The following AARS1 variants were observed in gnomAD, a reference collection of about 807,000 sequenced individuals.
The protein encoded by AARS1 is alanine--tRNA ligase, cytoplasmic.
A neutral mutation model predicts 108.9 loss-of-function variants in AARS1; 72 were observed. The observed-to-expected ratio is 0.66, with a 90% CI of 0.55 to 0.80. AARS1 has a LOEUF of 0.80. Among genes scored for constraint, AARS1 ranks in the 30% least tolerant of loss-of-function variants. The pLI, the probability that AARS1 is intolerant of heterozygous loss-of-function variation, is 0.00. For missense variants in AARS1, 1,193 were observed against 1,233.2 expected, an observed-to-expected ratio of 0.97 and a Z score of 0.49; for synonymous variants, 489 against 465.7, an observed-to-expected ratio of 1.05 and a Z score of -0.64.
At chr16:70,283,551 G>T (rs539974148) in intron 1 of AARS1, among the ~76,000 whole-genome samples, 5 of 152,044 alleles carry the variant, frequency 3.3e-5, no homozygotes, top group Non-Finnish European at 7.4e-5. Flanking sequence ...AAAAAGGAGG[G>T]GTCCATATGA....
intron 1 of AARS1, among the ~76,000 whole-genome samples, chr16:70,286,224 T>A (rs917643908): frequency 6.6e-6 from 1 of 152,158 alleles, no homozygotes; most frequent in African/African-American, 2.4e-5. Context: ...CAACATAAAC[T>A]CATTGATTTA....
rs1171347102 is a variant in AARS1 at position 70,269,818 on chromosome 16, C to T, written c.817-55G>A. The T allele has an allele frequency of 5.0e-6, 8 of 1,609,988 alleles. No homozygotes were observed. In the African/African-American group the frequency reaches 1.1e-4, roughly 22 times the overall value. On this transcript the variant is annotated intron_variant, in intron 6 of 20. Transcript: ENST00000261772. ...TAGGAAGCAGACTTTCTGGCGCTAC[C>T]TTGCCCAAGGAGGTTCCTGGAGGAT... is the stretch of plus-strand genomic sequence containing the variant.
chr16:70,265,694 AACAG>A (rs769472070), intron 9 of AARS1, 32 bp from the exon 10 acceptor site: 26 of 1,611,736 alleles, frequency 1.6e-5, no homozygotes, highest in East Asian at 2.2e-5. Flanking sequence ...TGTCAAAAAA[AACAG>A]ACAGCCCCTT....
At chr16:70,284,231 A>T (rs1477749953) in intron 1 of AARS1, among the ~76,000 whole-genome samples, 3 of 151,416 alleles carry the variant, frequency 2.0e-5, no homozygotes, top group African/African-American at 7.3e-5. Context: ...GCACGAACCC[A>T]GGAGGTGGAG....
chr16:70,274,030 C>G (rs985119504), intron 4 of AARS1, among the ~76,000 whole-genome samples: 3 of 150,510 alleles, frequency 2.0e-5, no homozygotes, highest in Non-Finnish European at 3.0e-5. Context: ...CTCAAAAAAA[C>G]GAAACAAAAA....
At chr16:70,270,755 T>A (rs920268112) in intron 5 of AARS1, among the ~76,000 whole-genome samples, 5 of 148,892 alleles carry the variant, frequency 3.4e-5, no homozygotes, top group Admixed American at 2.0e-4. Flanking sequence ...GAGAATCGCT[T>A]GAACCCAGGA....
intron 5 of AARS1, among the ~76,000 whole-genome samples, chr16:70,270,935 G>T (rs1464447118): frequency 6.6e-6 from 1 of 151,264 alleles, no homozygotes; most frequent in African/African-American, 2.4e-5. Flanking sequence ...AATCACTTGA[G>T]GTCAGGAGTT....
chr16:70,270,674 C>T (rs977337729), intron 5 of AARS1, among the ~76,000 whole-genome samples: 1 of 151,496 alleles, frequency 6.6e-6, no homozygotes, highest in Non-Finnish European at 1.5e-5. Context: ...CCCATCTCTA[C>T]TAAAAATACA....
chr16:70,263,628 GC>G (rs1314431651), intron 11 of AARS1, among the ~76,000 whole-genome samples: 2 of 151,616 alleles, frequency 1.3e-5, no homozygotes, highest in African/African-American at 2.4e-5. Context: ...AACATGTATT[GC>G]CAATTTATTT....
intron 10 of AARS1, 184 bp downstream of exon 10, chr16:70,265,354 A>C: frequency 9.3e-7 from 1 of 1,073,584 alleles, no homozygotes; most frequent in Non-Finnish European, 1.4e-6. Context: ...AAAATCAAAA[A>C]TGTCTTCAGA....
rs150080663 is a variant in AARS1, at chr16:70,271,852, G to A, written c.600C>T (p.Ala200=). The A allele has an allele frequency of 8.7e-4, 1,400 of 1,613,884 alleles. 3 individuals are homozygous for A. Among genetic ancestry groups the A allele is most frequent in the Non-Finnish European group, 1.1e-3 (1,307 of 1,179,842 alleles). ...IHYDRIGGRD[A]AHLVNQDDPN... is the part of the protein sequence containing the mutation. ...GGTCGTCCTGGTTGACAAGATGTGCGGCGTCCCGACCACCAATCCGGTCGT... is the reference window on the plus strand; with the variant it reads ...GGTCGTCCTGGTTGACAAGATGTGCAGCGTCCCGACCACCAATCCGGTCGT... Residue 200 remains alanine (A), a synonymous_variant, in exon 5 of 21, where the codon GCC becomes GCT. Transcript: ENST00000261772.
chr16:70,253,673 C>G (rs1959904666), intron 19 of AARS1, 41 bp downstream of exon 19: 1 of 1,600,082 alleles, frequency 6.2e-7, no homozygotes, highest in African/African-American at 1.3e-5. Context: ...CACCAGAGAG[C>G]TGATGAGCCC....
chr16:70,265,414 C>T (rs778293664), intron 10 of AARS1, 124 bp downstream of exon 10: 12 of 1,460,604 alleles, frequency 8.2e-6, no homozygotes, highest in Non-Finnish European at 1.1e-5. Flanking sequence ...CACTTGAGAA[C>T]CACTGATCTA....
intron 1 of AARS1, among the ~76,000 whole-genome samples, chr16:70,288,870 G>A (rs957576903): frequency 6.6e-5 from 10 of 151,994 alleles, no homozygotes; most frequent in African/African-American, 2.4e-4. Flanking sequence ...CCTGGCCCTG[G>A]GCTATTACAG....
At chr16:70,256,837 G>A (rs570109322) in intron 15 of AARS1, among the ~76,000 whole-genome samples, 8 of 152,118 alleles carry the variant, frequency 5.3e-5, no homozygotes, top group Admixed American at 2.0e-4. Flanking sequence ...CTTTTCAGCC[G>A]GGCGTGGTGG....
chr16:70,267,844 A>T (rs1256966696), intron 8 of AARS1, 35 bp from the exon 9 acceptor site: 2 of 1,614,018 alleles, frequency 1.2e-6, no homozygotes, highest in Non-Finnish European at 1.7e-6. Flanking sequence ...GGGCTGGATG[A>T]AGCCAGAGAC....
chr16:70,286,805 C>T (rs188041030), intron 1 of AARS1, among the ~76,000 whole-genome samples: 25 of 150,520 alleles, frequency 1.7e-4, no homozygotes, highest in Middle Eastern at 3.6e-3. Flanking sequence ...AGATCAACTG[C>T]ACTCCAGCCT....
intron 11 of AARS1, among the ~76,000 whole-genome samples, chr16:70,263,878 C>T (rs1960203767): frequency 6.6e-6 from 1 of 152,054 alleles, no homozygotes; most frequent in South Asian, 2.1e-4. Flanking sequence ...CTCAACTGAT[C>T]AGCCCACCCT....
At chr16:70,279,881 G>GA (rs567365635) in intron 2 of AARS1, among the ~76,000 whole-genome samples, 101 of 151,862 alleles carry the variant, frequency 6.7e-4, no homozygotes, top group Middle Eastern at 3.4e-3. Context: ...ACACATAACT[G>GA]AAAATATTTT....
Sources: allele counts gnomAD v4.1 joint callset (sites outside exome capture counted in the v4.1 genomes callset), GRCh38; gene constraint gnomAD v4.1.1; transcripts MANE v1.5; gene names NCBI Gene and HGNC (gene_info 2026-07-23, HGNC 2026-07-21).